Variants in ZNF185 observed in about 807,000 individuals in gnomAD.
ZNF185 encodes zinc finger protein 185.
Under a neutral mutation model 58.6 loss-of-function variants are expected in ZNF185, and 56 were observed. That is an observed-to-expected ratio of 0.95 (90% CI 0.77 to 1.19). ZNF185 has a LOEUF of 1.19. ZNF185 is among the 50% of genes most tolerant of loss of function. The pLI is 0.00. For missense variants in ZNF185, 627 were observed against 573.5 expected, an observed-to-expected ratio of 1.09 and a Z score of -0.95; for synonymous variants, 230 against 215.9, an observed-to-expected ratio of 1.07 and a Z score of -0.57.
In ZNF185 at chrX:152,959,742, G is replaced by A. The variant is rs781788673; in HGVS notation, c.1453G>A (p.Gly485Arg). ...GGGGAAGGATGTGGCCACCAAGGTC[G>A]GAGAGGCCTGGCAGGACAGGCCTGG... Residue 485 changes from glycine to arginine, a missense_variant, in exon 17 of 23, where the codon GGA becomes AGA. By Grantham distance (125) the Gly-to-Arg change is moderately radical (BLOSUM62 -2). Transcript: ENST00000449285. 4.1e-6 allele frequency: 5 copies of A among 1,210,233 alleles called. No individual in the cohort carries two copies. In the South Asian group the frequency reaches 5.3e-5, roughly 13 times the overall value.
At chrX:152,967,361 A>C in intron 20 of ZNF185, 123 bp downstream of exon 22, 1 of 678,286 alleles carries the variant, frequency 1.5e-6, no homozygotes, top group African/African-American at 2.1e-5. Flanking sequence ...ATTTGCAGAA[A>C]GGTGAAGGAC....
chrX:152,941,755 C>T, intron 15 of ZNF185: 1 of 1,164,560 alleles, frequency 8.6e-7, no homozygotes, highest in Non-Finnish European at 1.1e-6. Context: ...TCTCTTGAGG[C>T]CATGCCCGTG....
chrX:152,920,421 C>T lies in ZNF185; in HGVS notation c.614+10C>T. On this transcript the variant is annotated intron_variant, in intron 8 of 22. Transcript: ENST00000449285. ...CCAAGAAGAGCACTGGGTGAGTTGC[C>T]ACCAACTGGCTCCAGGCTCTAGGAC... The T allele has an allele frequency of 1.7e-6, 2 of 1,206,124 alleles. No homozygotes were observed. Among genetic ancestry groups the T allele is most frequent in the Non-Finnish European group, 1.1e-6 (1 of 891,302 alleles).
chrX:152,916,638 GC>G (rs1938540358), intron 3 of ZNF185, among the ~76,000 whole-genome samples: 1 of 112,421 alleles, frequency 8.9e-6, no homozygotes, highest in Non-Finnish European at 1.9e-5. Context: ...GCTGGCTGCT[GC>G]CTGGGCTCTC....
chrX:152,935,682 T>G (rs1350392128), intron 14 of ZNF185, among the ~76,000 whole-genome samples: 2 of 112,515 alleles, frequency 1.8e-5, no homozygotes, highest in African/African-American at 3.2e-5. Flanking sequence ...CCAGGGGCCT[T>G]TCCTTGGATC....
chrX:152,907,751 G>A, the ZNF185 span, among the ~76,000 whole-genome samples: 5,249 of 112,813 alleles, frequency 0.047, 124 homozygotes, highest in Non-Finnish European at 0.067. Flanking sequence ...GTGGAGTGTG[G>A]CCACATCTTG....
the ZNF185 span, among the ~76,000 whole-genome samples, chrX:152,908,770 C>G: frequency 8.8e-6 from 1 of 113,355 alleles, no homozygotes; most frequent in East Asian, 2.8e-4. Flanking sequence ...GACTCAGAGC[C>G]CTGGGAGTGT....
At chrX:152,968,438 C>T (rs1292785390) in intron 20 of ZNF185, among the ~76,000 whole-genome samples, 1 of 112,929 alleles carries the variant, frequency 8.9e-6, no homozygotes, top group African/African-American at 3.2e-5. Context: ...ATCTCAGTCA[C>T]TTGCACACAT....
chrX:152,909,470 C>T (rs1228279835), upstream of ZNF185, among the ~76,000 whole-genome samples: 2 of 111,798 alleles, frequency 1.8e-5, no homozygotes, highest in African/African-American at 6.5e-5. Flanking sequence ...GGAGCCAGGG[C>T]GGGATTGCGT....
chrX:152,945,076 T>C (rs1556893330), intron 15 of ZNF185, among the ~76,000 whole-genome samples, 191 bp from the exon 18 acceptor site: 2 of 112,842 alleles, frequency 1.8e-5, no homozygotes, highest in Non-Finnish European at 3.7e-5. Flanking sequence ...GGAGCAGCGA[T>C]GCTGGGCTCC....
intron 11 of ZNF185, among the ~76,000 whole-genome samples, chrX:152,924,675 C>T (rs947488340): frequency 8.1e-5 from 9 of 111,401 alleles, no homozygotes; most frequent in African/African-American, 2.9e-4. Context: ...TCTGTTTGTT[C>T]GTTTGTTTGT....
chrX:152,972,693 C>T (rs1220392173), exon 23 of ZNF185: 6 of 111,115 alleles, frequency 5.4e-5, no homozygotes, highest in Non-Finnish European at 1.1e-4. Flanking sequence ...GCTGGGGCCC[C>T]AGGTACTTGG....
intron 9 of ZNF185, 145 bp downstream of exon 10, chrX:152,920,893 T>TG: frequency 1.4e-6 from 1 of 692,251 alleles, no homozygotes; most frequent in Non-Finnish European, 2.2e-6. Context: ...TGTGAGGGGC[T>TG]GGGGGCTTCT....
rs782431960 is a variant in ZNF185, at chrX:152,955,138, A to G, written c.1410-4561A>G. Among the ~76,000 whole-genome samples, 206 of 111,466 alleles carry G rather than the reference A, an allele frequency of 1.8e-3. 3 individuals are homozygous for G. The highest frequency in any genetic ancestry group is 6.4e-3 in the African/African-American group (195 of 30,664). On this transcript the variant is annotated intron_variant, in intron 16 of 22. Coordinates refer to ENST00000449285, the Ensembl canonical transcript of ZNF185. ...GAGTTAGCTATTGTTACAGGTACAC[A>G]CTCCTAAGTTAGGTTTTCAATTTTG... is the stretch of plus-strand genomic sequence containing the variant.
intron 12 of ZNF185, 86 bp from the exon 14 acceptor site, chrX:152,931,586 C>A: frequency 1.2e-6 from 1 of 818,456 alleles, no homozygotes; most frequent in Non-Finnish European, 1.7e-6. Flanking sequence ...TCCGTGGAGA[C>A]AGCTGGCGTT....
intron 15 of ZNF185, among the ~76,000 whole-genome samples, chrX:152,939,776 G>GTTTTTTTTTTTT (rs57118182): frequency 2.0e-5 from 1 of 49,831 alleles, no homozygotes; most frequent in Admixed American, 3.4e-4. Context: ...AATCAGAGGT[G>GTTTTTTTTTTTT]TTTTTTTTTT....
upstream of ZNF185, among the ~76,000 whole-genome samples, chrX:152,911,229 T>C (rs1937130135): frequency 9.0e-6 from 1 of 111,673 alleles, no homozygotes; most frequent in Admixed American, 9.5e-5. Context: ...TGGAAGGGCA[T>C]TTCAGGTGGG....
chrX:152,953,494 G>A (rs966796873), intron 16 of ZNF185, among the ~76,000 whole-genome samples: 16 of 111,464 alleles, frequency 1.4e-4, no homozygotes, highest in African/African-American at 4.9e-4. Context: ...CCAAGGGTTC[G>A]AGACCAGCCT....
At position 152,969,393 on chromosome X, in the gene ZNF185, G is replaced by T; in HGVS notation, c.1883G>T (p.Gly628Val). 8.3e-7 allele frequency: 1 copy of T among 1,205,497 alleles called. No individual in the cohort carries two copies. Among genetic ancestry groups the T allele is most frequent in the Non-Finnish European group, 1.1e-6 (1 of 891,997 alleles). ...TCTTCATCTCACAGGACAACTGGAG[G>T]GATCTGTACTTACTGCAACCGTGAG... The change falls in exon 21 of 23, where the codon GGG becomes GTG. Residue 628 changes from glycine (G) to valine (V), a missense_variant. Transcript: ENST00000449285.
Sources: allele counts gnomAD v4.1 joint callset (sites outside exome capture counted in the v4.1 genomes callset), GRCh38; gene constraint gnomAD v4.1.1; transcripts MANE v1.5; gene names NCBI Gene and HGNC (gene_info 2026-07-23, HGNC 2026-07-21).